Variants in KLHL29 observed in about 807,000 individuals in gnomAD.
KLHL29 encodes kelch like family member 29.
A neutral mutation model predicts 80.4 loss-of-function variants in KLHL29; 21 were observed. The observed-to-expected ratio is 0.26, with a 90% CI of 0.19 to 0.38. The LOEUF is 0.38. Among genes scored for constraint, KLHL29 ranks in the 10% least tolerant of loss-of-function variants. The pLI is 1.00. For synonymous variants in KLHL29, 511 were observed against 526.8 expected (o/e 0.97, Z 0.41); for missense variants, 867 against 1,223.9 (o/e 0.71, Z 4.35).
chr2:23,447,073 A>G (rs1310518073), intron 1 of KLHL29, among the ~76,000 whole-genome samples: 6 of 152,242 alleles, frequency 3.9e-5, no homozygotes, highest in Non-Finnish European at 8.8e-5. Context: ...AAGCTGATAC[A>G]GGTTCAGACA....
intron 1 of KLHL29, among the ~76,000 whole-genome samples, chr2:23,407,635 G>A (rs1039233876): frequency 6.6e-6 from 1 of 151,988 alleles, no homozygotes; most frequent in East Asian, 1.9e-4. Context: ...CGTTTTTGTT[G>A]TTCAGTGTTT....
intron 3 of KLHL29, among the ~76,000 whole-genome samples, chr2:23,597,379 GTGTGTATATA>G (rs1558402772): frequency 5.1e-5 from 1 of 19,608 alleles, no homozygotes; most frequent in Non-Finnish European, 9.5e-5. Flanking sequence ...ATATGTGTGT[GTGTGTATATA>G]TATATATATA....
chr2:23,688,645 C>G (rs1671389287), intron 6 of KLHL29: 1 of 152,000 alleles, frequency 6.6e-6, no homozygotes, highest in Non-Finnish European at 1.5e-5. Flanking sequence ...GGTCTTCTGA[C>G]AGACCCCATG....
intron 3 of KLHL29, among the ~76,000 whole-genome samples, chr2:23,600,091 A>G (rs1668532735): frequency 6.6e-6 from 1 of 152,228 alleles, no homozygotes. Context: ...TGTTAGCTAG[A>G]ATGCAGCCCA....
chr2:23,601,635 G>T (rs559328199), intron 3 of KLHL29, among the ~76,000 whole-genome samples: 2 of 152,174 alleles, frequency 1.3e-5, no homozygotes, highest in East Asian at 3.8e-4. Flanking sequence ...AAACATCAAC[G>T]TGTTCCTTTG....
chr2:23,594,009 C>T (rs1668333315), intron 3 of KLHL29, among the ~76,000 whole-genome samples: 1 of 151,602 alleles, frequency 6.6e-6, no homozygotes, highest in African/African-American at 2.4e-5. Flanking sequence ...GTTTCCCTGC[C>T]TATCAAACAG....
intron 3 of KLHL29, among the ~76,000 whole-genome samples, chr2:23,613,106 A>G (rs933922579): frequency 6.6e-6 from 1 of 152,234 alleles, no homozygotes; most frequent in Non-Finnish European, 1.5e-5. Context: ...TATGGATATT[A>G]CAATGAAATA....
At position 23,708,183 on chromosome 2, in the gene KLHL29, T is replaced by C. The variant is rs902460746; in HGVS notation, c.*1519T>C. 1.3e-5 allele frequency: 2 copies of C among 152,272 alleles called. No homozygotes were observed. Among genetic ancestry groups the C allele is most frequent in the African/African-American group, 4.8e-5 (2 of 41,478 alleles). 9.4% of individuals were successfully genotyped at this position (152,272 alleles called of 1,614,324 possible). ...AGTTCTAACGTTGGGCATCAACTTC[T>C]AGCACTACGAGTGTGGCTCCCACTT... On this transcript the variant is annotated 3_prime_UTR_variant, in exon 14 of 14. Coordinates refer to ENST00000486442, the MANE Select transcript of KLHL29 (RefSeq NM_052920.2).
chr2:23,608,648 G>A (rs1287230497), intron 3 of KLHL29, among the ~76,000 whole-genome samples: 4 of 152,166 alleles, frequency 2.6e-5, no homozygotes, highest in Non-Finnish European at 4.4e-5. Context: ...CTGGAGAACC[G>A]ATGATTTTCT....
intron 5 of KLHL29, among the ~76,000 whole-genome samples, chr2:23,658,559 G>A (rs932445884): frequency 2.6e-5 from 4 of 152,206 alleles, no homozygotes; most frequent in Non-Finnish European, 5.9e-5. Flanking sequence ...CTTCTGGGCC[G>A]AAGCAGTCTG....
intron 2 of KLHL29, among the ~76,000 whole-genome samples, chr2:23,484,316 A>T (rs1469761502): frequency 1.3e-5 from 2 of 152,236 alleles, no homozygotes; most frequent in African/African-American, 2.4e-5. Context: ...TCACCTGTGG[A>T]AGACAGACGT....
intron 5 of KLHL29, among the ~76,000 whole-genome samples, chr2:23,676,263 A>G (rs1017054749): frequency 3.9e-5 from 6 of 152,136 alleles, no homozygotes; most frequent in Non-Finnish European, 8.8e-5. Flanking sequence ...GCTCACTGCA[A>G]GCTCCGCTTC....
At chr2:23,654,487 G>T (rs927801031) in intron 5 of KLHL29, among the ~76,000 whole-genome samples, 1 of 152,140 alleles carries the variant, frequency 6.6e-6, no homozygotes, top group African/African-American at 2.4e-5. Context: ...CTTTTATATG[G>T]AGATATTCAT....
intron 5 of KLHL29, among the ~76,000 whole-genome samples, chr2:23,662,783 C>A (rs2149170800): frequency 6.6e-6 from 1 of 152,302 alleles, no homozygotes; most frequent in East Asian, 1.9e-4. Flanking sequence ...TGGACTTGGG[C>A]TTTACCTTCC....
intron 2 of KLHL29, among the ~76,000 whole-genome samples, chr2:23,515,836 G>A (rs1219194632): frequency 2.0e-5 from 3 of 152,182 alleles, no homozygotes; most frequent in South Asian, 2.1e-4. Flanking sequence ...GCCCTCCACG[G>A]CATCTGAGCA....
intron 2 of KLHL29, among the ~76,000 whole-genome samples, chr2:23,535,241 T>C (rs535848851): frequency 6.6e-6 from 1 of 152,292 alleles, no homozygotes; most frequent in East Asian, 1.9e-4. Context: ...GACAGAACAG[T>C]CTCTGCATTT....
At chr2:23,574,477 T>A (rs1342316304) in intron 3 of KLHL29, among the ~76,000 whole-genome samples, 1 of 152,166 alleles carries the variant, frequency 6.6e-6, no homozygotes, top group African/African-American at 2.4e-5. Context: ...GTGAACGCGC[T>A]TTATTAAAAT....
intron 2 of KLHL29, chr2:23,524,047 T>C (rs1476035370): frequency 4.2e-6 from 2 of 471,406 alleles, no homozygotes; most frequent in African/African-American, 2.0e-5. Context: ...CCAGCATGCC[T>C]TCCTCTTCCG....
At chr2:23,421,991 T>TTTTG (rs1662824489) in intron 1 of KLHL29, among the ~76,000 whole-genome samples, 1 of 151,052 alleles carries the variant, frequency 6.6e-6, no homozygotes. Flanking sequence ...GTTCATGTGT[T>TTTTG]TGTCTCTGTC....
Sources: allele counts gnomAD v4.1 joint callset (sites outside exome capture counted in the v4.1 genomes callset), GRCh38; gene constraint gnomAD v4.1.1; transcripts MANE v1.5; gene names NCBI Gene and HGNC (gene_info 2026-07-23, HGNC 2026-07-21).